Variants in ESRRG observed in about 807,000 individuals in gnomAD.
ESRRG encodes estrogen-related receptor gamma.
ESRRG carries 13 observed loss-of-function variants against 44.0 expected under a neutral mutation model. The observed-to-expected ratio is 0.30, with a 90% CI of 0.19 to 0.47. The LOEUF is 0.47. ESRRG is among the 20% of genes least tolerant of loss of function. ESRRG has a pLI of 1.00. For missense variants in ESRRG, 395 were observed against 580.6 expected (o/e 0.68, Z 3.29); for synonymous variants, 215 against 214.6 (o/e 1.00, Z -0.02).
chr1:216,750,749 G>C lies in ESRRG; in HGVS notation c.-13-73258C>G, dbSNP rs192026962. Among the ~76,000 whole-genome samples the C allele has an allele frequency of 2.4e-3, 241 of 99,024 alleles. 1 individual carries two copies. Among genetic ancestry groups the C allele is most frequent in the Middle Eastern group, 0.022 (4 of 178 alleles). 65.0% of individuals were successfully genotyped at this position (99,024 alleles called of 152,430 possible). On this transcript the variant is annotated intron_variant, in intron 2 of 7. Coordinates refer to the ESRRG transcript ENST00000359162. Reference sequence around the variant, plus strand: ...CTGTGATACAGTTCTTCACTAAAGAGAGTTATTTACCTTTTTTTAAAAAAA... The same window carrying C: ...CTGTGATACAGTTCTTCACTAAAGACAGTTATTTACCTTTTTTTAAAAAAA...
intron 1 of ESRRG, among the ~76,000 whole-genome samples, chr1:216,710,412 C>T (rs1396978395): frequency 6.6e-6 from 1 of 152,306 alleles, no homozygotes; most frequent in Admixed American, 6.5e-5. Context: ...GCAGATAAGG[C>T]TCCAATGTCC....
At chr1:217,098,884 A>T (rs2092463185) in intron 1 of ESRRG, among the ~76,000 whole-genome samples, 1 of 152,198 alleles carries the variant, frequency 6.6e-6, no homozygotes, top group Admixed American at 6.5e-5. Context: ...AGACTTTGTT[A>T]AAGTAGCACC....
intron 5 of ESRRG, among the ~76,000 whole-genome samples, chr1:216,536,940 T>C (rs564491955): frequency 6.6e-6 from 1 of 151,800 alleles, no homozygotes; most frequent in South Asian, 2.1e-4. Context: ...GGATGGGGCA[T>C]GGGGAAAGAG....
chr1:217,087,049 G>A (rs907514140), intron 1 of ESRRG, among the ~76,000 whole-genome samples: 3 of 152,104 alleles, frequency 2.0e-5, no homozygotes, highest in Non-Finnish European at 4.4e-5. Context: ...ATGTCATAGG[G>A]CATCAGAAAA....
chr1:216,844,705 C>T (rs1445203328), intron 2 of ESRRG, among the ~76,000 whole-genome samples: 3 of 151,924 alleles, frequency 2.0e-5, no homozygotes, highest in African/African-American at 7.3e-5. Flanking sequence ...CGCCCCCATC[C>T]TTCTCAAGTC....
intron 1 of ESRRG, among the ~76,000 whole-genome samples, chr1:217,074,573 C>A (rs1186151784): frequency 2.0e-5 from 3 of 151,920 alleles, no homozygotes; most frequent in Non-Finnish European, 4.4e-5. Context: ...TGCAGTGGCT[C>A]ATGCCTGTAA....
In ESRRG at chr1:216,846,180, G is replaced by A. The variant is rs186743270; in HGVS notation, c.-14+93402C>T. Among the ~76,000 whole-genome samples the A allele has an allele frequency of 1.5e-4, 23 of 151,960 alleles. No individual in the cohort carries two copies. In the South Asian group the frequency reaches 2.1e-3, roughly 14 times the overall value. On this transcript the variant is annotated intron_variant, in intron 2 of 7. Transcript: ENST00000359162. ...TGGACATCTTTACATGGTCAATATC[G>A]TACACTATATTTAGTTTTCCCCCAC...
At chr1:217,112,481 C>T (rs923837986) in intron 1 of ESRRG, among the ~76,000 whole-genome samples, 4 of 152,186 alleles carry the variant, frequency 2.6e-5, no homozygotes, top group African/African-American at 9.6e-5. Context: ...AATACTGTTG[C>T]CTACAGTAAC....
chr1:216,732,318 A>G (rs2088978003), intron 2 of ESRRG, among the ~76,000 whole-genome samples: 1 of 151,904 alleles, frequency 6.6e-6, no homozygotes, highest in Non-Finnish European at 1.5e-5. Context: ...AGATTCAAAG[A>G]GTTTGTTGAT....
chr1:217,123,200 G>A (rs950576628), intron 1 of ESRRG, among the ~76,000 whole-genome samples: 13 of 152,056 alleles, frequency 8.5e-5, no homozygotes, highest in Non-Finnish European at 1.0e-4. Flanking sequence ...TCTGTTTCTC[G>A]TGGAAATGAA....
chr1:216,665,581 C>T (rs766358907), intron 2 of ESRRG, among the ~76,000 whole-genome samples: 1 of 152,044 alleles, frequency 6.6e-6, no homozygotes, highest in African/African-American at 2.4e-5. Flanking sequence ...GCAGAGTTTA[C>T]ATCTGGCATG....
At chr1:216,638,135 T>A (rs2065673202) in intron 3 of ESRRG, among the ~76,000 whole-genome samples, 2 of 152,150 alleles carry the variant, frequency 1.3e-5, no homozygotes, top group Admixed American at 1.3e-4. Flanking sequence ...CCATGAGACA[T>A]CCCAAGTGAA....
chr1:216,661,717 T>C (rs1013923616), intron 2 of ESRRG, among the ~76,000 whole-genome samples: 2 of 149,348 alleles, frequency 1.3e-5, no homozygotes, highest in African/African-American at 2.5e-5. Context: ...TCTTGGATGC[T>C]ATCAATGTGC....
At chr1:216,779,151 T>G (rs1450420010) in intron 2 of ESRRG, among the ~76,000 whole-genome samples, 1 of 115,724 alleles carries the variant, frequency 8.6e-6, no homozygotes, top group Non-Finnish European at 1.7e-5. Flanking sequence ...TATATTTATA[T>G]ATATATAAAA....
At chr1:216,968,228 A>T (rs1364357773) in intron 1 of ESRRG, among the ~76,000 whole-genome samples, 1 of 152,138 alleles carries the variant, frequency 6.6e-6, no homozygotes, top group African/African-American at 2.4e-5. Flanking sequence ...ACAGGGAAGA[A>T]ATTTTTAAGT....
chr1:217,026,912 C>CACAGAGAGAGAGAGAGAG (rs1255637839), intron 1 of ESRRG, among the ~76,000 whole-genome samples: 13 of 93,472 alleles, frequency 1.4e-4, no homozygotes, highest in African/African-American at 4.8e-4. Flanking sequence ...CACACACACA[C>CACAGAGAGAGAGAGAGAG]AGAGAGAGAG....
chr1:216,653,787 A>G (rs1006111173), intron 2 of ESRRG, among the ~76,000 whole-genome samples: 6 of 152,096 alleles, frequency 3.9e-5, no homozygotes, highest in African/African-American at 1.4e-4. Context: ...ATGGTAAGAC[A>G]CTAGAGGACA....
intron 3 of ESRRG, among the ~76,000 whole-genome samples, chr1:216,592,381 G>T (rs902524926): frequency 6.6e-6 from 1 of 151,680 alleles, no homozygotes; most frequent in Non-Finnish European, 1.5e-5. Flanking sequence ...AAAAGTTACT[G>T]TTGCCTGGAA....
intron 2 of ESRRG, among the ~76,000 whole-genome samples, chr1:216,877,898 T>C (rs114378181): frequency 2.0e-5 from 3 of 152,306 alleles, no homozygotes; most frequent in Admixed American, 6.5e-5. Flanking sequence ...CCAAGTTCTA[T>C]GTATCCATTC....
Sources: gnomAD v4.1 joint callset for allele counts (sites outside exome capture counted in the v4.1 genomes callset) on GRCh38, gnomAD v4.1.1 for gene constraint, MANE v1.5 for transcripts, NCBI Gene and HGNC (gene_info 2026-07-23, HGNC 2026-07-21) for gene names.